NCAM2: variants seen among roughly 807,000 people sequenced by gnomAD.
The protein encoded by NCAM2 is neural cell adhesion molecule 2, also known as N-CAM-2.
A neutral mutation model predicts 98.1 loss-of-function variants in NCAM2; 30 were observed. That is an observed-to-expected ratio of 0.31 (90% CI 0.23 to 0.41). The LOEUF (loss-of-function observed/expected upper bound fraction) is 0.41. NCAM2 is among the 10% of genes least tolerant of loss of function. The pLI, the probability that NCAM2 is intolerant of heterozygous loss-of-function variation, is 1.00. For synonymous variants in NCAM2, 368 were observed against 342.4 expected, an observed-to-expected ratio of 1.07 and a Z score of -0.83; for missense variants, 867 against 1,005.8, an observed-to-expected ratio of 0.86 and a Z score of 1.87.
At chr21:21,342,551 A>G (rs1031151) in intron 8 of NCAM2, among the ~76,000 whole-genome samples, 151,136 of 152,272 alleles carry the variant, frequency 0.99, 75,015 homozygotes, top group East Asian at 1. Context: ...CTTTTGTGGC[A>G]GCAGGCTTTC....
intron 14 of NCAM2, among the ~76,000 whole-genome samples, chr21:21,471,080 C>A (rs1360169639): frequency 1.3e-5 from 2 of 151,770 alleles, no homozygotes; most frequent in African/African-American, 4.8e-5. Context: ...TAATTCATAA[C>A]AGTCTAAATA....
intron 1 of NCAM2, among the ~76,000 whole-genome samples, chr21:21,277,810 G>A (rs989495487): frequency 3.0e-4 from 45 of 151,976 alleles, no homozygotes; most frequent in African/African-American, 9.2e-4. Context: ...AGATTAAAGA[G>A]GCAAAAGTGA....
intron 16 of NCAM2, among the ~76,000 whole-genome samples, chr21:21,510,104 A>G (rs1602528105): frequency 6.6e-6 from 1 of 152,218 alleles, no homozygotes; most frequent in East Asian, 1.9e-4. Context: ...AATCCCTTAT[A>G]TTTTCTTGAA....
chr21:21,532,251 T>G (rs1989746201), intron 16 of NCAM2, among the ~76,000 whole-genome samples: 1 of 152,012 alleles, frequency 6.6e-6, no homozygotes, highest in African/African-American at 2.4e-5. Flanking sequence ...AAATATTCTT[T>G]TATAGATTAT....
At chr21:21,390,806 A>G (rs892089269) in intron 9 of NCAM2, among the ~76,000 whole-genome samples, 6 of 152,246 alleles carry the variant, frequency 3.9e-5, no homozygotes, top group Non-Finnish European at 8.8e-5. Flanking sequence ...TTCTAGGTAT[A>G]ATGTAAAATT....
intron 10 of NCAM2, among the ~76,000 whole-genome samples, chr21:21,413,630 T>C (rs903184914): frequency 1.3e-5 from 2 of 151,238 alleles, no homozygotes; most frequent in Non-Finnish European, 3.0e-5. Context: ...CTATAGTCTA[T>C]TAAGTGTGCA....
Position 21,509,033 on chromosome 21 carries a change from G to A in NCAM2, c.2260G>A (p.Glu754Lys), listed in dbSNP as rs751165756. 31 of 1,613,250 alleles carry A rather than the reference G, an allele frequency of 1.9e-5. No homozygotes were observed. Among genetic ancestry groups the A allele is most frequent in the Non-Finnish European group, 2.5e-5 (30 of 1,179,750 alleles). ...CTCCAGTGGCAAAAGTAAAGAACTC[G>A]AAGAAGGAAAAGCTGCATACCTGTG... ...SGSSGKSKEL[E>K]EGKAAYLKDG... Residue 754 changes from glutamate (E) to lysine (K), a missense_variant, in exon 16 of 18, where the codon GAA (glutamate) becomes AAA (lysine). Physicochemically the swap from Glu to Lys is moderately conservative, Grantham distance 56. Transcript: ENST00000400546.
Position 21,542,299 on chromosome 21 carries a change from C to A in NCAM2, c.*4342C>A, listed in dbSNP as rs1465725647. ...AAGAATGCGAATAGATTAATTATAT[C>A]TTCTCATATAAAGGCAAAGAATTTT... On this transcript the variant is annotated 3_prime_UTR_variant, in exon 18 of 18. Transcript: ENST00000400546. 1 of 151,632 alleles carries A rather than the reference C, an allele frequency of 6.6e-6. No homozygotes were observed. Among genetic ancestry groups the A allele is most frequent in the Non-Finnish European group, 1.5e-5 (1 of 67,776 alleles). 9.4% of individuals were successfully genotyped at this position (151,632 alleles called of 1,614,324 possible).
chr21:21,246,367 TA>T (rs1160920866), intron 1 of NCAM2, among the ~76,000 whole-genome samples: 2 of 152,138 alleles, frequency 1.3e-5, no homozygotes, highest in Non-Finnish European at 2.9e-5. Flanking sequence ...TTTAGGTGAT[TA>T]TTTTTGGGGT....
chr21:21,191,506 A>G (rs928814692), intron 1 of NCAM2, among the ~76,000 whole-genome samples: 3 of 152,196 alleles, frequency 2.0e-5, no homozygotes, highest in African/African-American at 7.2e-5. Context: ...TCTATATGCA[A>G]CTTAATTTTA....
At chr21:21,022,392 G>A (rs2064456084) in intron 1 of NCAM2, among the ~76,000 whole-genome samples, 2 of 151,946 alleles carry the variant, frequency 1.3e-5, no homozygotes, top group Admixed American at 6.6e-5. Context: ...AAGACTTTGT[G>A]TATATAATTT....
At chr21:21,030,112 G>C (rs7283088) in intron 1 of NCAM2, among the ~76,000 whole-genome samples, 1 of 152,106 alleles carries the variant, frequency 6.6e-6, no homozygotes. Flanking sequence ...AAAAGCACTT[G>C]TTATCTGGTT....
intron 8 of NCAM2, among the ~76,000 whole-genome samples, chr21:21,354,855 G>C (rs934593937): frequency 6.6e-6 from 1 of 152,006 alleles, no homozygotes; most frequent in South Asian, 2.1e-4. Context: ...TTTAGGATGA[G>C]ACCAATAAAC....
intron 16 of NCAM2, among the ~76,000 whole-genome samples, chr21:21,524,923 G>A (rs1374734634): frequency 6.6e-6 from 1 of 151,848 alleles, no homozygotes; most frequent in Non-Finnish European, 1.5e-5. Context: ...ATAGGTCCAA[G>A]AAAAAATCTC....
At chr21:21,374,453 G>A (rs1383569514) in intron 9 of NCAM2, among the ~76,000 whole-genome samples, 1 of 151,758 alleles carries the variant, frequency 6.6e-6, no homozygotes, top group Non-Finnish European at 1.5e-5. Context: ...TATTTTAAAT[G>A]CAGTGAAATG....
At chr21:21,177,829 T>G (rs1336655967) in intron 1 of NCAM2, among the ~76,000 whole-genome samples, 4 of 149,426 alleles carry the variant, frequency 2.7e-5, no homozygotes, top group African/African-American at 9.8e-5. Context: ...AACAATGAAC[T>G]GGACACTTTC....
chr21:21,271,901 A>T (rs1013396891), intron 1 of NCAM2, among the ~76,000 whole-genome samples: 1 of 152,012 alleles, frequency 6.6e-6, no homozygotes, highest in Non-Finnish European at 1.5e-5. Context: ...TCATGGGGTG[A>T]GGGGAGTGGG....
rs184718045 is a variant in NCAM2, at chr21:21,402,267, G to A, written c.1196-8007G>A. Among the ~76,000 whole-genome samples, 652 of 152,144 alleles carry A rather than the reference G, an allele frequency of 4.3e-3. 4 individuals carry two copies. The highest frequency in any genetic ancestry group is 7.5e-3 in the Admixed American group (114 of 15,268). On this transcript the variant is annotated intron_variant, in intron 9 of 17. Coordinates refer to ENST00000400546, the MANE Select transcript of NCAM2 (RefSeq NM_004540.5). ...ATGGCTAAATTCTTTTCCTAGCAAG[G>A]AATATAATATTAAGACCCTAGGAAA...
At position 21,508,845 on chromosome 21, in the gene NCAM2, T is replaced by TTTTTTTTTTTTTTTTTTTTTA; in HGVS notation, c.2078-4_2078-3insTTTTTTTTTTTTTTTTTTATT. ...TTTTTTTTTTTTTTTTTTTTTACTTTTTAAGACACGCTGTTTAATGGTCTT... is the reference window on the plus strand; with the variant it reads ...TTTTTTTTTTTTTTTTTTTTTACTTTTTTTTTTTTTTTTTTTTTTTATTAAGACACGCTGTTTAATGGTCTT... On this transcript the variant is annotated splice_polypyrimidine_tract_variant and splice_region_variant and intron_variant, in intron 15 of 17. Transcript: ENST00000400546. 1 of 1,228,976 alleles carries TTTTTTTTTTTTTTTTTTTTTA rather than the reference T, an allele frequency of 8.1e-7. No homozygotes were observed. Among genetic ancestry groups the TTTTTTTTTTTTTTTTTTTTTA allele is most frequent in the Non-Finnish European group, 1.1e-6 (1 of 908,104 alleles). The allele number at this position is 1,228,976 out of a possible 1,614,324, so 76.1% of individuals were successfully genotyped here.
Sources: allele counts gnomAD v4.1 joint callset (sites outside exome capture counted in the v4.1 genomes callset), GRCh38; gene constraint gnomAD v4.1.1; transcripts MANE v1.5; gene names NCBI Gene and HGNC (gene_info 2026-07-23, HGNC 2026-07-21).